The following MYL6B variants were observed in gnomAD, a reference collection of about 807,000 sequenced individuals.
The protein encoded by MYL6B is myosin alkali light chain 1 slow a.
A neutral mutation model predicts 24.5 loss-of-function variants in MYL6B; 19 were observed. The observed-to-expected ratio is 0.78, with a 90% CI of 0.54 to 1.14. The LOEUF is 1.14. MYL6B is among the 50% of genes most tolerant of loss of function. MYL6B has a pLI of 0.00. For missense variants in MYL6B, 230 were observed against 263.8 expected, an observed-to-expected ratio of 0.87 and a Z score of 0.89; for synonymous variants, 90 against 100.7, an observed-to-expected ratio of 0.89 and a Z score of 0.64.
At chr12:56,155,914 G>A in intron 5 of MYL6B, 1 of 1,233,260 alleles carries the variant, frequency 8.1e-7, no homozygotes, top group Non-Finnish European at 1.0e-6. Flanking sequence ...AATACTTTCA[G>A]CAGTACTAGG....
intron 2 of MYL6B, among the ~76,000 whole-genome samples, chr12:56,154,583 G>A (rs892352661): frequency 3.9e-5 from 6 of 152,190 alleles, no homozygotes; most frequent in Non-Finnish European, 7.3e-5. Context: ...TGGAGGGAGG[G>A]AAACAGGTGG....
Position 56,157,301 on chromosome 12 carries a change from G to A in MYL6B, c.521-167G>A, listed in dbSNP as rs1871360329. 47 of 614,124 alleles carry A rather than the reference G, an allele frequency of 7.7e-5. No individual in the cohort carries two copies. The South Asian group carries it at 9.3e-4, about 12-fold the overall frequency. The allele number at this position is 614,124 out of a possible 1,614,324, so 38.0% of individuals were successfully genotyped here. On this transcript the variant is annotated intron_variant, in intron 5 of 6. Coordinates refer to ENST00000553066, the Ensembl canonical transcript of MYL6B. ...CGGGAGGGTGAGGCAGGAGAATCGC[G>A]TGAACACGGGAGGCGGAGGTTGCAG...
chr12:56,153,390 C>T (rs758036129), intron 1 of MYL6B: 18 of 984,630 alleles, frequency 1.8e-5, no homozygotes, highest in Non-Finnish European at 2.2e-5. Context: ...TACCCCTGCT[C>T]TTTACAAAGC....
chr12:56,157,334 A>G, intron 5 of MYL6B, 134 bp from the exon 6 acceptor site: 1 of 771,874 alleles, frequency 1.3e-6, no homozygotes, highest in South Asian at 1.8e-5. Flanking sequence ...CAGTGAGCCG[A>G]GATCGCTCCG....
chr12:56,157,767 A>T (rs1443535493), exon 7 of MYL6B: 2 of 1,605,536 alleles, frequency 1.2e-6, no homozygotes, highest in Non-Finnish European at 1.7e-6. Context: ...GCCGCGCCTT[A>T]CGAGGCAAGT....
chr12:56,154,200 A>G, intron 2 of MYL6B, 108 bp downstream of exon 2: 1 of 1,166,528 alleles, frequency 8.6e-7, no homozygotes, highest in Non-Finnish European at 1.2e-6. Context: ...TGAGCCCTGG[A>G]ATGAGATTGG....
intron 2 of MYL6B, among the ~76,000 whole-genome samples, chr12:56,154,505 G>A (rs181240613): frequency 6.6e-6 from 1 of 152,344 alleles, no homozygotes; most frequent in East Asian, 1.9e-4. Context: ...AATCACAGCT[G>A]GGGGCCAGGG....
intron 5 of MYL6B, chr12:56,155,878 C>G (rs1345261837): frequency 1.0e-5 from 13 of 1,302,096 alleles, no homozygotes; most frequent in African/African-American, 1.5e-5. Flanking sequence ...GTCTCGTAAC[C>G]TCCTGGGATT....
intron 1 of MYL6B, among the ~76,000 whole-genome samples, chr12:56,153,073 T>A (rs1287039621): frequency 6.6e-6 from 1 of 152,064 alleles, no homozygotes; most frequent in Non-Finnish European, 1.5e-5. Flanking sequence ...TCCCAGAGCC[T>A]GCCCTTCTCC....
exon 7 of MYL6B, chr12:56,157,716 T>A (rs1462604929): frequency 6.2e-7 from 1 of 1,612,456 alleles, no homozygotes; most frequent in Non-Finnish European, 8.5e-7. Context: ...AAACACATCC[T>A]AAGCGTCTGA....
chr12:56,153,492 C>T, intron 1 of MYL6B: 12 of 987,440 alleles, frequency 1.2e-5, no homozygotes, highest in Non-Finnish European at 1.4e-5. Flanking sequence ...CCAGTTCACA[C>T]AAGCCTCCCT....
chr12:56,157,585 G>A (rs1871381447), intron 6 of MYL6B, 40 bp downstream of exon 6: 1 of 1,613,274 alleles, frequency 6.2e-7, no homozygotes, highest in Non-Finnish European at 8.5e-7. Context: ...CGAGGGAGGA[G>A]GGCAGCCTGG....
At chr12:56,153,226 C>T (rs1871174090) in intron 1 of MYL6B, among the ~76,000 whole-genome samples, 1 of 152,048 alleles carries the variant, frequency 6.6e-6, no homozygotes, top group Non-Finnish European at 1.5e-5. Flanking sequence ...CCACTCCTGC[C>T]CCTAAAACAA....
exon 4 of MYL6B, chr12:56,155,105 C>G: frequency 6.2e-7 from 1 of 1,614,028 alleles, no homozygotes; most frequent in Non-Finnish European, 8.5e-7. Context: ...TGGCAAGATC[C>G]TGTACAGCCA....
chr12:56,155,186 C>T lies in MYL6B; in HGVS notation c.334C>T (p.Pro112Ser), dbSNP rs77682403. The change falls in exon 4 of 7, where the codon CCC (proline) becomes TCC (serine). Residue 112 changes from proline to serine, a missense_variant. Pro to Ser is a moderately conservative substitution (Grantham distance 74, BLOSUM62 -1). Transcript: ENST00000553066. Reference sequence around the variant, plus strand: ...CGAGGTGCTCAAGGTCCTGGGGAACCCCAAGAGTGATGGTGAGGGGACCCT... The same window carrying T: ...CGAGGTGCTCAAGGTCCTGGGGAACTCCAAGAGTGATGGTGAGGGGACCCT... 1.8e-4 allele frequency: 290 copies of T among 1,603,392 alleles called. No individual in the cohort carries two copies. Among genetic ancestry groups the T allele is most frequent in the Non-Finnish European group, 2.2e-4 (260 of 1,176,392 alleles).
At chr12:56,156,993 A>G (rs1871342581) in intron 5 of MYL6B, 1 of 153,120 alleles carries the variant, frequency 6.5e-6, no homozygotes, top group Non-Finnish European at 1.4e-5. Flanking sequence ...AGTTGCAGTG[A>G]GCCATGATGA....
At position 56,153,988 on chromosome 12, in the gene MYL6B, C is replaced by CCAG. The variant is rs756600941; in HGVS notation, c.80_82dup (p.Ala27dup). The CCAG allele has an allele frequency of 1.9e-6, 3 of 1,614,002 alleles. No individual in the cohort carries two copies. In the Admixed American group the frequency reaches 5.0e-5, roughly 27 times the overall value. The stretch of plus-strand genomic sequence containing the variant: ...CTCCATCTCCAAACCTGCTGCTAAG[C>CCAG]CAGCAGCAGCAGGGGCTCCTCCAGC... On this transcript the variant is annotated inframe_insertion, in exon 2 of 7. Transcript: ENST00000553066.
chr12:56,157,908 C>A, exon 7 of MYL6B: 1 of 666,580 alleles, frequency 1.5e-6, no homozygotes, highest in Non-Finnish European at 2.5e-6. Flanking sequence ...ACACTGGGCC[C>A]CGCAGGCGAA....
chr12:56,157,847 C>A, exon 7 of MYL6B: 6 of 1,257,874 alleles, frequency 4.8e-6, no homozygotes, highest in African/African-American at 1.5e-5. Flanking sequence ...GCTGCACGGG[C>A]TCCAGCGCTT....
Sources: gnomAD v4.1 joint callset for allele counts (sites outside exome capture counted in the v4.1 genomes callset) on GRCh38, gnomAD v4.1.1 for gene constraint, MANE v1.5 for transcripts, NCBI Gene and HGNC (gene_info 2026-07-23, HGNC 2026-07-21) for gene names.